PPARD: variants seen among roughly 807,000 people sequenced by gnomAD.
PPARD encodes peroxisome proliferator-activated receptor delta.
A neutral mutation model predicts 39.5 loss-of-function variants in PPARD; 6 were observed. The observed-to-expected ratio is 0.15, with a 90% confidence interval of 0.08 to 0.30. PPARD has a LOEUF of 0.30. Ranked by LOEUF, PPARD falls within the 10% of genes least tolerant of loss-of-function variation. PPARD has a pLI of 1.00. For missense variants in PPARD, 397 were observed against 596.8 expected (o/e 0.67, Z 3.49); for synonymous variants, 210 against 231.3 (o/e 0.91, Z 0.83).
At position 35,420,268 on chromosome 6, in the gene PPARD, G is replaced by C. The variant is rs1421487351; in HGVS notation, c.272G>C (p.Cys91Ser). ...ASGFHYGVHA[C>S]EGCKGFFRRT... ...GGCTTCCACTACGGTGTTCATGCATGTGAGGGGTGCAAGGTACGGACTGGG... is the reference window on the plus strand; with the variant it reads ...GGCTTCCACTACGGTGTTCATGCATCTGAGGGGTGCAAGGTACGGACTGGG... The change falls in exon 4 of 8, where the codon TGT becomes TCT. Residue 91 changes from cysteine to serine, a missense_variant. Coordinates refer to ENST00000360694, the MANE Select transcript of PPARD (RefSeq NM_006238.5). 2.5e-6 allele frequency: 4 copies of C among 1,581,514 alleles called. No individual in the cohort carries two copies. The highest frequency in any genetic ancestry group is 8.6e-7 in the Non-Finnish European group (1 of 1,162,916).
intron 2 of PPARD, among the ~76,000 whole-genome samples, chr6:35,356,112 G>GA (rs1761600498): frequency 6.6e-6 from 1 of 152,126 alleles, no homozygotes; most frequent in Non-Finnish European, 1.5e-5. Context: ...GGAGGATGCT[G>GA]AAGGGAGGTT....
chr6:35,372,279 G>A (rs1762523314), intron 2 of PPARD, among the ~76,000 whole-genome samples: 1 of 152,228 alleles, frequency 6.6e-6, no homozygotes, highest in Admixed American at 6.5e-5. Context: ...CCAGGTTCAA[G>A]CCATTCTCCT....
intron 3 of PPARD, 88 bp from the exon 4 acceptor site, chr6:35,420,039 G>T: frequency 6.8e-7 from 1 of 1,479,298 alleles, no homozygotes; most frequent in Non-Finnish European, 9.1e-7. Flanking sequence ...CTGTTAAGTG[G>T]CTGAGGCGAG....
In PPARD at chr6:35,426,866, A is replaced by G. The variant is rs200496552; in HGVS notation, c.*787A>G. The G allele has an allele frequency of 3.9e-5, 6 of 152,526 alleles. No homozygotes were observed. The highest frequency in any genetic ancestry group is 3.9e-4 in the East Asian group (2 of 5,188). 9.4% of individuals were successfully genotyped at this position (152,526 alleles called of 1,614,324 possible). The stretch of plus-strand genomic sequence containing the variant: ...ATCTTCACACTGGTTTGCCAGGCCA[A>G]TGTTGCTGATGGCCCCCTGCACTGG... On this transcript the variant is annotated 3_prime_UTR_variant, in exon 8 of 8. Coordinates refer to ENST00000360694, the MANE Select transcript of PPARD (RefSeq NM_006238.5).
intron 2 of PPARD, among the ~76,000 whole-genome samples, chr6:35,359,827 T>C (rs1477885784): frequency 2.6e-5 from 4 of 152,228 alleles, no homozygotes; most frequent in African/African-American, 9.6e-5. Flanking sequence ...ATGAGGATAC[T>C]GAGGCTCAGA....
At chr6:35,416,362 G>A (rs1237500672) in intron 3 of PPARD, among the ~76,000 whole-genome samples, 7 of 76,340 alleles carry the variant, frequency 9.2e-5, no homozygotes, top group Non-Finnish European at 1.2e-4. Context: ...GAACAAAAGC[G>A]AGACTTCATC....
chr6:35,425,686 C>T lies in PPARD; in HGVS notation c.1079-146C>T. ...ACCAGGGGTAGGGAGATTAGAACAC[C>T]CAGTGGAGCATTGCTGATGGGACAG... On this transcript the variant is annotated intron_variant, in intron 7 of 7. Coordinates refer to ENST00000360694, the MANE Select transcript of PPARD (RefSeq NM_006238.5). The surrounding 1 kb of genome is among the most constrained non-coding windows in gnomAD (Gnocchi z 4.5). 8.0e-7 allele frequency: 1 copy of T among 1,251,040 alleles called. No homozygotes were observed. Among genetic ancestry groups the T allele is most frequent in the Non-Finnish European group, 1.1e-6 (1 of 905,134 alleles). The allele number at this position is 1,251,040 out of a possible 1,614,324, so 77.5% of individuals were successfully genotyped here. A position where few individuals can be genotyped will look rare whatever the true frequency, so the allele number is the denominator to read the frequency against.
At chr6:35,381,092 T>C (rs564129358) in intron 2 of PPARD, among the ~76,000 whole-genome samples, 1 of 151,878 alleles carries the variant, frequency 6.6e-6, no homozygotes, top group East Asian at 1.9e-4. Flanking sequence ...ATTTTCCTGC[T>C]CCCCTCCTGC....
chr6:35,390,104 C>T (rs1763924458), intron 2 of PPARD, among the ~76,000 whole-genome samples: 1 of 152,244 alleles, frequency 6.6e-6, no homozygotes, highest in Non-Finnish European at 1.5e-5. Flanking sequence ...GTGTTCTCGG[C>T]TGCGTTGCCT....
At chr6:35,355,713 GCC>G (rs1761569304) in intron 2 of PPARD, among the ~76,000 whole-genome samples, 2 of 136,256 alleles carry the variant, frequency 1.5e-5, no homozygotes, top group African/African-American at 5.4e-5. Context: ...CCAGGTTCGC[GCC>G]GTTCTCCTGC....
At chr6:35,352,977 G>C (rs574167899) in intron 2 of PPARD, among the ~76,000 whole-genome samples, 12 of 152,292 alleles carry the variant, frequency 7.9e-5, no homozygotes, top group South Asian at 4.1e-4. Context: ...TGAATACTAA[G>C]AGGCGTGATT....
At chr6:35,345,436 C>T (rs959077175) in intron 1 of PPARD, among the ~76,000 whole-genome samples, 8 of 152,076 alleles carry the variant, frequency 5.3e-5, no homozygotes, top group African/African-American at 1.9e-4. Context: ...CAGGTGCACA[C>T]CACCACACTC....
chr6:35,395,990 G>A (rs1004030770), intron 2 of PPARD, among the ~76,000 whole-genome samples: 1 of 152,142 alleles, frequency 6.6e-6, no homozygotes, highest in South Asian at 2.1e-4. Context: ...CGGAAGCTGG[G>A]TAGGCTCCAT....
At chr6:35,384,537 G>A (rs1581593522) in intron 2 of PPARD, among the ~76,000 whole-genome samples, 1 of 115,186 alleles carries the variant, frequency 8.7e-6, no homozygotes, top group African/African-American at 4.1e-5. Flanking sequence ...GGTGAGGGGC[G>A]CCTCTGCCCG....
At chr6:35,393,219 G>A (rs1318367076) in intron 2 of PPARD, among the ~76,000 whole-genome samples, 1 of 152,190 alleles carries the variant, frequency 6.6e-6, no homozygotes, top group Non-Finnish European at 1.5e-5. Flanking sequence ...GGCTCTGGCA[G>A]CCAAGTGGGC....
chr6:35,419,994 G>A (rs1766030841), intron 3 of PPARD, 133 bp from the exon 4 acceptor site: 1 of 1,056,534 alleles, frequency 9.5e-7, no homozygotes. Context: ...GAAGAAACTG[G>A]TCCTCAGAAA....
At chr6:35,403,400 G>A (rs1188578241) in intron 2 of PPARD, among the ~76,000 whole-genome samples, 2 of 152,208 alleles carry the variant, frequency 1.3e-5, no homozygotes, top group African/African-American at 4.8e-5. Context: ...GGAGGGATGA[G>A]CCAGGGTGTG....
chr6:35,408,013 T>A (rs1167226965), intron 2 of PPARD, among the ~76,000 whole-genome samples: 1 of 152,156 alleles, frequency 6.6e-6, no homozygotes, highest in Non-Finnish European at 1.5e-5. Context: ...CAAGTTTGAT[T>A]TTTTCACCTA....
intron 5 of PPARD, 53 bp downstream of exon 5, chr6:35,422,011 C>T (rs1766204583): frequency 6.5e-7 from 1 of 1,546,154 alleles, no homozygotes; most frequent in South Asian, 1.2e-5. Context: ...CAGCCTGAAA[C>T]CAAGGTCCAG....
Sources: gnomAD v4.1 joint callset for allele counts (sites outside exome capture counted in the v4.1 genomes callset) on GRCh38, gnomAD v4.1.1 for gene constraint, Gnocchi (gnomAD v3.1) non-coding constraint, MANE v1.5 for transcripts, NCBI Gene and HGNC (gene_info 2026-07-23, HGNC 2026-07-21) for gene names.